PRDM12: variants seen among roughly 807,000 people sequenced by gnomAD.
PRDM12 encodes the protein PR domain zinc finger protein 12.
PRDM12 carries 17 observed loss-of-function variants against 29.6 expected under a neutral mutation model. That is an observed-to-expected ratio of 0.57 (90% CI 0.39 to 0.86). The LOEUF is 0.86. Ranked by LOEUF, PRDM12 falls within the 40% of genes least tolerant of loss-of-function variation. The pLI is 0.00. For missense variants in PRDM12, 422 were observed against 510.8 expected, an observed-to-expected ratio of 0.83 and a Z score of 1.68; for synonymous variants, 231 against 225.8, an observed-to-expected ratio of 1.02 and a Z score of -0.21.
rs948393104 is a variant in PRDM12, at chr9:130,682,137, G to A, written c.*468G>A. ...TTGTCCGGGTGTGGTCGGGCGCGGG[G>A]GTTGTGGGGGCGCCATCTCCTCTTC... On this transcript the variant is annotated 3_prime_UTR_variant, in exon 5 of 5. Coordinates refer to ENST00000253008, the MANE Select transcript of PRDM12 (RefSeq NM_021619.3). This position sits in a 1 kb window ranked among gnomAD's most constrained non-coding sequence, Gnocchi z 4.2. The A allele has an allele frequency of 2.6e-5, 4 of 152,416 alleles. No individual in the cohort carries two copies. Among genetic ancestry groups the A allele is most frequent in the African/African-American group, 9.7e-5 (4 of 41,444 alleles). The allele number at this position is 152,416 out of a possible 1,614,324, so 9.4% of individuals were successfully genotyped here.
chr9:130,667,957 C>G (rs1042543144), intron 2 of PRDM12, among the ~76,000 whole-genome samples: 1 of 152,192 alleles, frequency 6.6e-6, no homozygotes, highest in Admixed American at 6.5e-5. Context: ...GGAGACTGAT[C>G]CCCTGTGGGC....
intron 2 of PRDM12, 36 bp downstream of exon 2, chr9:130,666,834 G>A (rs1830738204): frequency 1.3e-6 from 2 of 1,550,578 alleles, no homozygotes; most frequent in African/African-American, 1.4e-5. Flanking sequence ...CGCAAGGGCC[G>A]GCGAGGGGCG....
rs185131043 is a variant in PRDM12 at position 130,671,062 on chromosome 9, A to C, written c.570+2749A>C. Reference sequence around the variant, plus strand: ...GAATTTAAGTTGAAAAAAGAGGATCAGGCAGGGCATGGTGGCTCACGCCTG... The same window carrying C: ...GAATTTAAGTTGAAAAAAGAGGATCCGGCAGGGCATGGTGGCTCACGCCTG... On this transcript the variant is annotated intron_variant, in intron 3 of 4. Transcript: ENST00000253008. Among the ~76,000 whole-genome samples, 619 of 152,326 alleles carry C rather than the reference A, an allele frequency of 4.1e-3. 6 individuals carry two copies. Among genetic ancestry groups the C allele is most frequent in the African/African-American group, 0.014 (588 of 41,568 alleles).
At chr9:130,666,898 A>G (rs1236258517) in intron 2 of PRDM12, 100 bp downstream of exon 2, 2 of 1,445,440 alleles carry the variant, frequency 1.4e-6, no homozygotes, top group Non-Finnish European at 1.8e-6. Flanking sequence ...ACCCGGGCTG[A>G]GAGCGGCGGA....
At chr9:130,667,322 G>T (rs547500071) in intron 2 of PRDM12, among the ~76,000 whole-genome samples, 2 of 152,138 alleles carry the variant, frequency 1.3e-5, no homozygotes, top group Non-Finnish European at 2.9e-5. Context: ...CTGCAGTCAC[G>T]GATGACCTCA....
chr9:130,669,003 G>C (rs1564245390), intron 3 of PRDM12, among the ~76,000 whole-genome samples: 2 of 152,150 alleles, frequency 1.3e-5, no homozygotes. Context: ...AGCCTTCTCA[G>C]AGGAGACAGA....
At chr9:130,679,477 C>T (rs977011458) in intron 4 of PRDM12, among the ~76,000 whole-genome samples, 1 of 151,726 alleles carries the variant, frequency 6.6e-6, no homozygotes, top group Non-Finnish European at 1.5e-5. Context: ...GGATTACAGG[C>T]GTGTGCCACC....
intron 2 of PRDM12, among the ~76,000 whole-genome samples, chr9:130,667,531 G>GCCCC (rs5900904): frequency 2.0e-5 from 3 of 151,046 alleles, no homozygotes; most frequent in African/African-American, 7.3e-5. Flanking sequence ...CCCCACTCCA[G>GCCCC]CTCCCCCCGG....
chr9:130,671,667 C>G (rs1441055560), intron 3 of PRDM12, among the ~76,000 whole-genome samples: 1 of 152,240 alleles, frequency 6.6e-6, no homozygotes, highest in East Asian at 1.9e-4. Context: ...AAGATGAGGC[C>G]GAGGCCCAGA....
intron 2 of PRDM12, 66 bp downstream of exon 2, chr9:130,666,864 G>T (rs944027542): frequency 6.6e-7 from 1 of 1,516,226 alleles, no homozygotes; most frequent in Non-Finnish European, 8.8e-7. Context: ...GGTAGGACTC[G>T]GGCGTCCGGC....
chr9:130,675,883 GA>G (rs1007961457), intron 3 of PRDM12, among the ~76,000 whole-genome samples: 3 of 152,138 alleles, frequency 2.0e-5, no homozygotes, highest in African/African-American at 7.2e-5. Flanking sequence ...TCCAAGACTG[GA>G]AACCAAGGGT....
At position 130,679,476 on chromosome 9, in the gene PRDM12, G is replaced by A. The variant is rs542915675; in HGVS notation, c.682+836G>A. Reference sequence around the variant, plus strand: ...GCCTCCCGAGTAGTTGGGATTACAGGCGTGTGCCACCATGCCCAGCTAATC... The same window carrying A: ...GCCTCCCGAGTAGTTGGGATTACAGACGTGTGCCACCATGCCCAGCTAATC... On this transcript the variant is annotated intron_variant, in intron 4 of 4. Transcript: ENST00000253008. 2.6e-5 allele frequency among the ~76,000 whole-genome samples: 4 copies of A among 151,606 alleles called. No individual in the cohort carries two copies. The South Asian group carries it at 8.4e-4, about 32-fold the overall frequency.
chr9:130,672,468 C>T (rs575777343), intron 3 of PRDM12, among the ~76,000 whole-genome samples: 2 of 152,342 alleles, frequency 1.3e-5, no homozygotes, highest in African/African-American at 2.4e-5. Context: ...GGATTACAGG[C>T]GTGAGCCACT....
chr9:130,665,588 T>C (rs1830725325), intron 1 of PRDM12, among the ~76,000 whole-genome samples: 1 of 152,142 alleles, frequency 6.6e-6, no homozygotes, highest in Non-Finnish European at 1.5e-5. Flanking sequence ...GTAAGGGGAA[T>C]TCCTCGGCCC....
intron 3 of PRDM12, among the ~76,000 whole-genome samples, chr9:130,676,767 G>A (rs1486952914): frequency 6.6e-6 from 1 of 152,144 alleles, no homozygotes; most frequent in African/African-American, 2.4e-5. Flanking sequence ...TAACCCTAAG[G>A]CTCGCCATGA....
At chr9:130,679,174 CTGTG>C (rs1249592383) in intron 4 of PRDM12, among the ~76,000 whole-genome samples, 6 of 152,162 alleles carry the variant, frequency 3.9e-5, no homozygotes, top group Non-Finnish European at 8.8e-5. Context: ...CAGACTGTGC[CTGTG>C]TGTGTGTCAG....
At chr9:130,666,825 G>A (rs892375050) in intron 2 of PRDM12, 27 bp downstream of exon 2, 4 of 1,562,020 alleles carry the variant, frequency 2.6e-6, no homozygotes, top group Middle Eastern at 1.7e-4. Flanking sequence ...GCAGAGGGGC[G>A]CAAGGGCCGG....
Position 130,666,812 on chromosome 9 carries a change from G to A in PRDM12, c.414+14G>A. ...CTCATGTGGGAGGTACGCGCGGGCT[G>A]GGGCAGAGGGGCGCAAGGGCCGGCG... On this transcript the variant is annotated intron_variant, in intron 2 of 4. Transcript: ENST00000253008. 1 of 1,574,894 alleles carries A rather than the reference G, an allele frequency of 6.3e-7. No individual in the cohort carries two copies. Among genetic ancestry groups the A allele is most frequent in the South Asian group, 1.1e-5 (1 of 87,888 alleles).
At chr9:130,665,769 C>T (rs1866974) in intron 1 of PRDM12, among the ~76,000 whole-genome samples, 1 of 151,996 alleles carries the variant, frequency 6.6e-6, no homozygotes, top group Admixed American at 6.5e-5. Flanking sequence ...TTTAACCCCC[C>T]CCTTTCAGCC....
Sources: allele counts gnomAD v4.1 joint callset (sites outside exome capture counted in the v4.1 genomes callset), GRCh38; gene constraint gnomAD v4.1.1; non-coding constraint Gnocchi (gnomAD v3.1); transcripts MANE v1.5; gene names NCBI Gene and HGNC (gene_info 2026-07-23, HGNC 2026-07-21).